Variants in CATSPER3 observed in about 807,000 individuals in gnomAD.
CATSPER3 encodes the protein cation channel sperm associated 3, also known as cation channel sperm-associated protein 3.
A neutral mutation model predicts 36.6 loss-of-function variants in CATSPER3; 23 were observed. The observed-to-expected ratio is 0.63, with a 90% CI of 0.45 to 0.89. The LOEUF (loss-of-function observed/expected upper bound fraction) is 0.89. Among genes scored for constraint, CATSPER3 ranks in the 40% least tolerant of loss-of-function variants. CATSPER3 has a pLI of 0.00. For missense variants in CATSPER3, 474 were observed against 503.9 expected (o/e 0.94, Z 0.57); for synonymous variants, 172 against 184.1 (o/e 0.93, Z 0.53).
At chr5:134,988,901 C>G (rs1171928033) in intron 2 of CATSPER3, among the ~76,000 whole-genome samples, 5 of 152,080 alleles carry the variant, frequency 3.3e-5, no homozygotes, top group Admixed American at 2.6e-4. Flanking sequence ...CGAAGAATCA[C>G]TATGTCAGCT....
intron 6 of CATSPER3, 26 bp from the exon 7 acceptor site, chr5:135,010,347 C>T (rs1752165504): frequency 6.2e-7 from 1 of 1,610,032 alleles, no homozygotes; most frequent in Admixed American, 1.7e-5. Context: ...CTCATCACTG[C>T]TCTCTCGTTA....
chr5:135,010,682 T>A, intron 7 of CATSPER3, 152 bp downstream of exon 7: 4 of 758,902 alleles, frequency 5.3e-6, no homozygotes, highest in Non-Finnish European at 9.1e-6. Context: ...CAGGATTCCA[T>A]ATATACACAG....
At chr5:134,996,195 G>A in intron 2 of CATSPER3, 78 bp from the exon 3 acceptor site, 1 of 1,594,354 alleles carries the variant, frequency 6.3e-7, no homozygotes, top group South Asian at 1.1e-5. Flanking sequence ...CCCCTTCCGG[G>A]GCTCACGCAG....
intron 2 of CATSPER3, among the ~76,000 whole-genome samples, chr5:134,987,437 A>G (rs1751825487): frequency 6.6e-6 from 1 of 152,222 alleles, no homozygotes; most frequent in Admixed American, 6.5e-5. Context: ...TTCTTCCCAA[A>G]CTCTACCAAG....
At chr5:134,982,054 A>G (rs1286760750) in intron 2 of CATSPER3, among the ~76,000 whole-genome samples, 1 of 152,182 alleles carries the variant, frequency 6.6e-6, no homozygotes, top group Non-Finnish European at 1.5e-5. Context: ...GCCTGAACCC[A>G]GGAGACGGAG....
At chr5:134,989,203 C>T (rs1326013605) in intron 2 of CATSPER3, among the ~76,000 whole-genome samples, 1 of 152,194 alleles carries the variant, frequency 6.6e-6, no homozygotes, top group East Asian at 1.9e-4. Flanking sequence ...AGAGCACAGG[C>T]AGAGTAGATT....
chr5:134,985,439 G>C (rs1048964970), intron 2 of CATSPER3, among the ~76,000 whole-genome samples: 1 of 152,102 alleles, frequency 6.6e-6, no homozygotes, highest in African/African-American at 2.4e-5. Flanking sequence ...AACTCAGAAG[G>C]GGGAGGTTGG....
At chr5:134,998,584 G>A (rs1440972061) in intron 3 of CATSPER3, among the ~76,000 whole-genome samples, 2 of 152,172 alleles carry the variant, frequency 1.3e-5, no homozygotes, top group African/African-American at 4.8e-5. Flanking sequence ...AGCACCTGTT[G>A]TTTCCTGACT....
At chr5:134,973,618 G>A (rs1751633605) in intron 2 of CATSPER3, among the ~76,000 whole-genome samples, 2 of 152,068 alleles carry the variant, frequency 1.3e-5, no homozygotes, top group Non-Finnish European at 2.9e-5. Context: ...AGACTACTGG[G>A]GTCATGTCAA....
At chr5:135,007,877 C>A (rs1174926376) in intron 3 of CATSPER3, 80 bp from the exon 4 acceptor site, 3 of 963,546 alleles carry the variant, frequency 3.1e-6, no homozygotes, top group Non-Finnish European at 4.5e-6. Flanking sequence ...CAGCTGTGAA[C>A]TGGGCAGAAT....
chr5:134,968,219 G>A, intron 1 of CATSPER3, 130 bp downstream of exon 1: 2 of 715,190 alleles, frequency 2.8e-6, no homozygotes, highest in Non-Finnish European at 5.0e-6. Flanking sequence ...GCATGTCCTT[G>A]ACAATCTGGT....
At chr5:134,993,838 A>G (rs930171499) in intron 2 of CATSPER3, among the ~76,000 whole-genome samples, 1 of 152,202 alleles carries the variant, frequency 6.6e-6, no homozygotes, top group African/African-American at 2.4e-5. Flanking sequence ...TAAACATATA[A>G]AACTGTCCAG....
chr5:135,011,486 C>G, intron 7 of CATSPER3, 35 bp from the exon 8 acceptor site: 5 of 1,534,148 alleles, frequency 3.3e-6, no homozygotes, highest in Non-Finnish European at 2.7e-6. Context: ...CTGCCTCTGA[C>G]CTCAGATCTT....
intron 2 of CATSPER3, among the ~76,000 whole-genome samples, chr5:134,972,575 T>A (rs1751620239): frequency 6.6e-6 from 1 of 152,128 alleles, no homozygotes; most frequent in Admixed American, 6.5e-5. Flanking sequence ...ATGTAGGAAA[T>A]TTTTTAAATC....
chr5:135,005,188 A>G (rs1752069893), intron 3 of CATSPER3, among the ~76,000 whole-genome samples: 1 of 152,168 alleles, frequency 6.6e-6, no homozygotes, highest in Admixed American at 6.5e-5. Context: ...TCTTGGCTGT[A>G]TTGTGGCAGC....
chr5:134,990,166 AT>A (rs1334537297), intron 2 of CATSPER3, among the ~76,000 whole-genome samples: 3 of 152,240 alleles, frequency 2.0e-5, no homozygotes, highest in Admixed American at 6.5e-5. Context: ...TAGAAAGTTT[AT>A]TTTGCCAGGG....
rs779388871 is a variant in CATSPER3, at chr5:134,996,513, G to T, written c.492+1G>T. On this transcript the variant is annotated splice_donor_variant, in intron 3 of 7. Coordinates refer to ENST00000282611, the MANE Select transcript of CATSPER3 (RefSeq NM_178019.3). LOFTEE classifies it high-confidence loss of function. Reference sequence around the variant, plus strand: ...TATCGGCTATAGCCAGGGCATCCGGGTGAGTGCACTGGGGGTGTCATGGTG... The same window carrying T: ...TATCGGCTATAGCCAGGGCATCCGGTTGAGTGCACTGGGGGTGTCATGGTG... The T allele has an allele frequency of 3.1e-6, 5 of 1,613,890 alleles. No individual in the cohort carries two copies. Among genetic ancestry groups the T allele is most frequent in the South Asian group, 2.2e-5 (2 of 91,076 alleles).
At chr5:134,969,147 A>G (rs1025541014) in intron 1 of CATSPER3, 6 of 152,222 alleles carry the variant, frequency 3.9e-5, no homozygotes, top group African/African-American at 1.4e-4. Context: ...AGTTGTTTTC[A>G]AGCTTCTCAG....
chr5:134,986,682 C>T (rs189611900), intron 2 of CATSPER3, among the ~76,000 whole-genome samples: 1,698 of 152,008 alleles, frequency 0.011, 27 homozygotes, highest in African/African-American at 0.037. Context: ...AGGCTGGTCT[C>T]GAACTCCTGA....
Sources: allele counts gnomAD v4.1 joint callset (sites outside exome capture counted in the v4.1 genomes callset), GRCh38; gene constraint gnomAD v4.1.1; transcripts MANE v1.5; gene names NCBI Gene and HGNC (gene_info 2026-07-23, HGNC 2026-07-21).